Variants in HIVEP3 observed in about 807,000 individuals in gnomAD.
HIVEP3 encodes the protein HIVEP zinc finger 3.
A neutral mutation model predicts 152.8 loss-of-function variants in HIVEP3; 49 were observed. That is an observed-to-expected ratio of 0.32 (90% CI 0.26 to 0.41). The LOEUF is 0.41. Ranked by LOEUF, HIVEP3 falls within the 10% of genes least tolerant of loss-of-function variation. The pLI is 1.00. For synonymous variants in HIVEP3, 1,269 were observed against 1,289.0 expected, an observed-to-expected ratio of 0.98 and a Z score of 0.33; for missense variants, 2,790 against 3,103.3, an observed-to-expected ratio of 0.90 and a Z score of 2.40.
chr1:41,543,222 C>T (rs571384035), intron 5 of HIVEP3: 19 of 152,354 alleles, frequency 1.2e-4, no homozygotes, highest in African/African-American at 3.4e-4. Context: ...TGATTCAGCT[C>T]CTGCTCCTGC....
At chr1:41,964,585 G>A (rs566728619) in intron 1 of HIVEP3, among the ~76,000 whole-genome samples, 3 of 152,344 alleles carry the variant, frequency 2.0e-5, no homozygotes, top group African/African-American at 7.2e-5. Flanking sequence ...TTTCCCCACT[G>A]GTGCCGGGGA....
chr1:41,624,560 T>C (rs1645089890), intron 3 of HIVEP3, among the ~76,000 whole-genome samples: 1 of 152,226 alleles, frequency 6.6e-6, no homozygotes, highest in Non-Finnish European at 1.5e-5. Context: ...GTTGTCATTT[T>C]TTAAATTCAG....
chr1:41,920,054 G>A (rs1220056968), upstream of HIVEP3, among the ~76,000 whole-genome samples: 1 of 152,170 alleles, frequency 6.6e-6, no homozygotes, highest in Non-Finnish European at 1.5e-5. Context: ...GTGAAAACAA[G>A]TGCACTGTCA....
intron 1 of HIVEP3, among the ~76,000 whole-genome samples, chr1:41,987,608 A>C (rs1645331755): frequency 6.6e-6 from 1 of 152,212 alleles, no homozygotes; most frequent in Non-Finnish European, 1.5e-5. Context: ...CCTAGAAATA[A>C]ATGCATGCAT....
At chr1:41,804,497 C>A (rs572623330) in intron 1 of HIVEP3, among the ~76,000 whole-genome samples, 26 of 152,310 alleles carry the variant, frequency 1.7e-4, no homozygotes, top group Admixed American at 6.5e-4. Context: ...CATTCAAGGT[C>A]ATGTACTATT....
chr1:41,929,726 T>TATATATATATATATATATATATATATATA lies in HIVEP3; in HGVS notation n.120-11203_120-11202insTATATATATATATATATATATATATATAT, dbSNP rs1553135852. Reference sequence around the variant, plus strand: ...TGTGTGAGTGTGTGTATATGTGTTTTTATATATATATATATATATATATAT... The same window carrying TATATATATATATATATATATATATATATA: ...TGTGTGAGTGTGTGTATATGTGTTTTATATATATATATATATATATATATATATATATATATATATATATATATATATAT... On this transcript the variant is annotated intron_variant and non_coding_transcript_variant, in intron 1 of 3. Transcript: ENST00000489103. Among the ~76,000 whole-genome samples the TATATATATATATATATATATATATATATA allele has an allele frequency of 8.6e-4, 97 of 112,770 alleles. 7 individuals are homozygous for TATATATATATATATATATATATATATATA. The highest frequency in any genetic ancestry group is 2.1e-3 in the South Asian group (7 of 3,352). 74.0% of individuals were successfully genotyped at this position (112,770 alleles called of 152,430 possible).
At chr1:41,576,227 C>A (rs1354667110) in intron 4 of HIVEP3, among the ~76,000 whole-genome samples, 1 of 152,216 alleles carries the variant, frequency 6.6e-6, no homozygotes, top group Non-Finnish European at 1.5e-5. Flanking sequence ...CTTGGCCCTC[C>A]TGAGCTAGTA....
At chr1:41,960,244 A>C (rs1470334140) in intron 1 of HIVEP3, among the ~76,000 whole-genome samples, 1 of 152,214 alleles carries the variant, frequency 6.6e-6, no homozygotes, top group African/African-American at 2.4e-5. Flanking sequence ...GTATGGCCTC[A>C]GGACCAACTG....
intron 1 of HIVEP3, among the ~76,000 whole-genome samples, chr1:41,804,704 T>G (rs962736291): frequency 6.6e-6 from 1 of 152,210 alleles, no homozygotes; most frequent in African/African-American, 2.4e-5. Context: ...TCATAACAAT[T>G]TATCCTCTAC....
chr1:41,756,341 G>C (rs1647305476), intron 1 of HIVEP3, among the ~76,000 whole-genome samples: 1 of 151,596 alleles, frequency 6.6e-6, no homozygotes, highest in East Asian at 1.9e-4. Context: ...TGATGGAATA[G>C]TTCTGTATCT....
intron 1 of HIVEP3, among the ~76,000 whole-genome samples, chr1:41,797,871 T>G (rs1650071885): frequency 6.6e-6 from 1 of 152,032 alleles, no homozygotes; most frequent in East Asian, 1.9e-4. Flanking sequence ...TCCCAGCTAC[T>G]CTGGAGGCTA....
At chr1:41,611,199 C>T (rs1173235052) in intron 3 of HIVEP3, among the ~76,000 whole-genome samples, 7 of 152,158 alleles carry the variant, frequency 4.6e-5, no homozygotes, top group Admixed American at 2.6e-4. Context: ...AATAAACAAA[C>T]GCTAAGTTGA....
At chr1:41,682,408 C>T (rs923025174) in intron 2 of HIVEP3, among the ~76,000 whole-genome samples, 1 of 152,166 alleles carries the variant, frequency 6.6e-6, no homozygotes, top group Admixed American at 6.5e-5. Flanking sequence ...CTTCCCTGTG[C>T]TCCCAGCCCC....
intron 5 of HIVEP3, among the ~76,000 whole-genome samples, chr1:41,558,399 G>C (rs1451612384): frequency 1.3e-5 from 2 of 152,172 alleles, no homozygotes; most frequent in Non-Finnish European, 2.9e-5. Context: ...CTTAGAGCCT[G>C]GTCCTGAGCT....
intron 1 of HIVEP3, among the ~76,000 whole-genome samples, chr1:41,810,056 A>G (rs1650861476): frequency 6.6e-6 from 1 of 152,136 alleles, no homozygotes; most frequent in Non-Finnish European, 1.5e-5. Flanking sequence ...ACTGGCATAA[A>G]ACTTAATCAG....
At chr1:41,984,681 C>A (rs1309445344) in intron 1 of HIVEP3, among the ~76,000 whole-genome samples, 2 of 152,166 alleles carry the variant, frequency 1.3e-5, no homozygotes, top group Non-Finnish European at 2.9e-5. Context: ...AGCACACTGA[C>A]CACTACTAGA....
chr1:41,759,403 T>C (rs1243509483), intron 1 of HIVEP3, among the ~76,000 whole-genome samples: 1 of 152,176 alleles, frequency 6.6e-6, no homozygotes, highest in Non-Finnish European at 1.5e-5. Context: ...ATATATTCTA[T>C]TTTGTTTATC....
intron 3 of HIVEP3, among the ~76,000 whole-genome samples, chr1:41,587,792 C>A (rs1002914677): frequency 6.6e-6 from 1 of 152,126 alleles, no homozygotes; most frequent in Non-Finnish European, 1.5e-5. Context: ...TGCCTCTTGA[C>A]CCCCCAGCCA....
At chr1:41,670,165 A>G (rs1645853341) in intron 2 of HIVEP3, among the ~76,000 whole-genome samples, 1 of 152,114 alleles carries the variant, frequency 6.6e-6, no homozygotes. Context: ...TGCATACCTC[A>G]CACTTATTTG....
Sources: allele counts gnomAD v4.1 joint callset (sites outside exome capture counted in the v4.1 genomes callset), GRCh38; gene constraint gnomAD v4.1.1; transcripts MANE v1.5; gene names NCBI Gene and HGNC (gene_info 2026-07-23, HGNC 2026-07-21).